The following MYO7A variants were observed in gnomAD, a reference collection of about 807,000 sequenced individuals.
MYO7A encodes unconventional myosin-VIIa.
MYO7A carries 210 observed loss-of-function variants against 263.8 expected under a neutral mutation model. That is an observed-to-expected ratio of 0.80 (90% CI 0.71 to 0.89). MYO7A has a LOEUF of 0.89. MYO7A is among the 40% of genes least tolerant of loss of function. The pLI, the probability that MYO7A is intolerant of heterozygous loss-of-function variation, is 0.00. For missense variants in MYO7A, 2,820 were observed against 2,968.3 expected, an observed-to-expected ratio of 0.95 and a Z score of 1.16; for synonymous variants, 1,239 against 1,197.3, an observed-to-expected ratio of 1.03 and a Z score of -0.72.
intron 40 of MYO7A, 25 bp from the exon 41 acceptor site, chr11:77,206,072 C>CCTGCTG: frequency 6.4e-7 from 1 of 1,573,280 alleles, no homozygotes; most frequent in Non-Finnish European, 8.7e-7. Flanking sequence ...GCACATGCCC[C>CCTGCTG]CTGCTGCCCC....
chr11:77,214,817 C>G lies in MYO7A; in HGVS notation c.*121C>G. 1 of 784,820 alleles carries G rather than the reference C, an allele frequency of 1.3e-6. No individual in the cohort carries two copies. The highest frequency in any genetic ancestry group is 2.1e-6 in the Non-Finnish European group (1 of 485,620). The allele number at this position is 784,820 out of a possible 1,614,324, so 48.6% of individuals were successfully genotyped here. A position where few individuals can be genotyped will look rare whatever the true frequency, so the allele number is the denominator to read the frequency against. The stretch of plus-strand genomic sequence containing the variant: ...ATCCCGGCAGCGAGGCTGGGCTGGC[C>G]AGCCACCACTGACTATACCAACTGG... On this transcript the variant is annotated 3_prime_UTR_variant, in exon 49 of 49. Coordinates refer to ENST00000409709, the MANE Select transcript of MYO7A (RefSeq NM_000260.4).
intron 10 of MYO7A, 137 bp from the exon 11 acceptor site, chr11:77,160,025 GC>G: frequency 1.5e-6 from 2 of 1,328,160 alleles, no homozygotes; most frequent in Non-Finnish European, 2.0e-6. Flanking sequence ...GGAGGATTTG[GC>G]CGTGGGCCCT....
Position 77,182,104 on chromosome 11 carries a change from C to T in MYO7A, c.3058C>T (p.Arg1020Trp), listed in dbSNP as rs376121363. 2.5e-6 allele frequency: 4 copies of T among 1,613,398 alleles called. No homozygotes were observed. The highest frequency in any genetic ancestry group is 1.3e-5 in the African/African-American group (1 of 75,036). The change falls in exon 24 of 49, where the codon CGG becomes TGG. Residue 1020 changes from arginine (R) to tryptophan (W), a missense_variant. Arg to Trp is a moderately radical substitution (Grantham distance 101, BLOSUM62 -3). Coordinates refer to ENST00000409709, the MANE Select transcript of MYO7A (RefSeq NM_000260.4). ...GACAACCACGCACTCCTACACCCGG[C>T]GGCCACTCAAACAGCCACTGCTCTA... ...QGTTTHSYTR[R>W]PLKQPLLYHD...
Position 77,205,601 on chromosome 11 carries a change from C to T in MYO7A, c.5620C>T (p.Leu1874Phe). The change falls in exon 40 of 49, where the codon CTC (leucine) becomes TTC (phenylalanine). Residue 1874 changes from leucine (L) to phenylalanine (F), a missense_variant. By Grantham distance (22) the Leu-to-Phe change is conservative. Coordinates refer to ENST00000409709, the MANE Select transcript of MYO7A (RefSeq NM_000260.4). ...CPLAIDCLQR[L>F]QKALRNGSRK... ...ACTCGCCATCGACTGCCTGCAACGG[C>T]TCCAGAAAGCCCTGAGGTACAGCGG... The T allele has an allele frequency of 6.2e-7, 1 of 1,613,588 alleles. No individual in the cohort carries two copies. The highest frequency in any genetic ancestry group is 8.5e-7 in the Non-Finnish European group (1 of 1,179,820).
At chr11:77,173,095 C>T (rs1954281007) in intron 16 of MYO7A, among the ~76,000 whole-genome samples, 1 of 152,230 alleles carries the variant, frequency 6.6e-6, no homozygotes, top group Non-Finnish European at 1.5e-5. Context: ...GGGGTTGCAG[C>T]AGGTTCAGAT....
chr11:77,135,892 A>T (rs911782691), intron 2 of MYO7A, among the ~76,000 whole-genome samples: 1 of 151,982 alleles, frequency 6.6e-6, no homozygotes, highest in Non-Finnish European at 1.5e-5. Flanking sequence ...TTTTTGGAGA[A>T]ATGTCTATTT....
chr11:77,182,464 G>C lies in MYO7A; in HGVS notation c.3149G>C (p.Gly1050Ala). Residue 1050 changes from glycine (G) to alanine (A), a missense_variant, in exon 25 of 49, where the codon GGG (glycine) becomes GCG (alanine). Physicochemically the swap from Gly to Ala is moderately conservative, Grantham distance 60. Transcript: ENST00000409709. Reference protein sequence around the residue: ...AVWITILRFMGDLPEPKYHTA... With the variant: ...AVWITILRFMADLPEPKYHTA... The stretch of plus-strand genomic sequence containing the variant: ...TGGATCACCATCCTCCGCTTCATGG[G>C]GGACCTCCCTGAGCCCAAGTACCAC... 1.9e-6 allele frequency: 3 copies of C among 1,609,712 alleles called. No individual in the cohort carries two copies. The highest frequency in any genetic ancestry group is 2.5e-6 in the Non-Finnish European group (3 of 1,179,790).
At chr11:77,207,493 A>G (rs1957530214) in intron 42 of MYO7A, 91 bp downstream of exon 42, 6 of 941,398 alleles carry the variant, frequency 6.4e-6, no homozygotes, top group East Asian at 2.6e-5. Flanking sequence ...GAACTGGGGG[A>G]GAGAGGGGAA....
intron 4 of MYO7A, among the ~76,000 whole-genome samples, chr11:77,150,701 C>T (rs781939586): frequency 1.3e-5 from 2 of 152,156 alleles, no homozygotes; most frequent in Admixed American, 6.5e-5. Flanking sequence ...CGGGAAACCA[C>T]GCTGTGGCAC....
At position 77,138,536 on chromosome 11, in the gene MYO7A, G is replaced by T. The variant is rs1443092401; in HGVS notation, c.19-4173G>T. Among the ~76,000 whole-genome samples, 1 of 152,244 alleles carries T rather than the reference G, an allele frequency of 6.6e-6. No individual in the cohort carries two copies. Among genetic ancestry groups the T allele is most frequent in the Non-Finnish European group, 1.5e-5 (1 of 68,032 alleles). ...ACAGGGTCGCTAGGCTTCAGGGTGT[G>T]CATGGACTGCGGCCCTAGGATGCCA... On this transcript the variant is annotated intron_variant, in intron 2 of 48. Coordinates refer to ENST00000409709, the MANE Select transcript of MYO7A (RefSeq NM_000260.4). This position sits in a 1 kb window ranked among gnomAD's most constrained non-coding sequence, Gnocchi z 4.9.
Position 77,177,591 on chromosome 11 carries a change from A to G in MYO7A, c.2230A>G (p.Ile744Val), listed in dbSNP as rs1183488561. The change falls in exon 19 of 49, where the codon ATC (isoleucine) becomes GTC (valine). Residue 744 changes from isoleucine to valine, a missense_variant. Ile to Val is a conservative substitution (Grantham distance 29). Transcript: ENST00000409709. ...MLLEVERDKAITDRVILLQKV... is the reference protein window; with the variant it reads ...MLLEVERDKAVTDRVILLQKV... ...GCTGGAAGTGGAGCGGGACAAAGCC[A>G]TCACCGACAGAGTCATCCTCCTTCA... The G allele has an allele frequency of 1.2e-6, 2 of 1,612,368 alleles. No homozygotes were observed. Among genetic ancestry groups the G allele is most frequent in the Non-Finnish European group, 1.7e-6 (2 of 1,179,472 alleles).
In MYO7A at chr11:77,214,595, C is replaced by T. The variant is rs1334892878; in HGVS notation, c.6559-12C>T. ...ACCGTGTGCTCGCTTATCTTCTCAC[C>T]CCTGCTTCCAGGGCTACAAGATGGA... On this transcript the variant is annotated splice_polypyrimidine_tract_variant and intron_variant, in intron 48 of 48. Coordinates refer to ENST00000409709, the MANE Select transcript of MYO7A (RefSeq NM_000260.4). 1 of 1,553,658 alleles carries T rather than the reference C, an allele frequency of 6.4e-7. No individual in the cohort carries two copies. Among genetic ancestry groups the T allele is most frequent in the East Asian group, 2.4e-5 (1 of 42,116 alleles).
At chr11:77,146,235 C>T (rs560836699) in intron 3 of MYO7A, among the ~76,000 whole-genome samples, 1 of 152,248 alleles carries the variant, frequency 6.6e-6, no homozygotes, top group South Asian at 2.1e-4. Flanking sequence ...TAGGATGTAC[C>T]GGGGGTAGCT....
chr11:77,177,544 C>T lies in MYO7A; in HGVS notation c.2188-5C>T. 6.2e-7 allele frequency: 1 copy of T among 1,607,786 alleles called. No individual in the cohort carries two copies. Among genetic ancestry groups the T allele is most frequent in the South Asian group, 1.1e-5 (1 of 89,582 alleles). ...GGGGCGCTGCTCAGGAGCTCTGCCT[C>T]CTAGGACCACCATGACATGCTGCTG... On this transcript the variant is annotated splice_polypyrimidine_tract_variant and splice_region_variant and intron_variant, in intron 18 of 48. Transcript: ENST00000409709.
At chr11:77,168,148 C>T (rs903115923) in intron 15 of MYO7A, among the ~76,000 whole-genome samples, 1 of 152,196 alleles carries the variant, frequency 6.6e-6, no homozygotes, top group African/African-American at 2.4e-5. Flanking sequence ...CCCATCTTCC[C>T]CTCCTACCCG....
At position 77,180,428 on chromosome 11, in the gene MYO7A, C is replaced by T. The variant is rs781860354; in HGVS notation, c.2641C>T (p.Arg881Trp). The change falls in exon 22 of 49, where the codon CGG becomes TGG. Residue 881 changes from arginine to tryptophan, a missense_variant. Arg to Trp is a moderately radical substitution (Grantham distance 101). Transcript: ENST00000409709. ...KMRLAEEEKL[R>W]KEMSAKKAKE... is the part of the protein sequence containing the mutation. ...GCGGCTGGCGGAGGAAGAGAAGCTT[C>T]GGAAGGAGATGAGCGCCAAGAAGGC... 5.6e-6 allele frequency: 9 copies of T among 1,612,184 alleles called. No individual in the cohort carries two copies. The highest frequency in any genetic ancestry group is 2.2e-5 in the South Asian group (2 of 90,988).
At position 77,147,800 on chromosome 11, in the gene MYO7A, A is replaced by G; in HGVS notation, c.135A>G (p.Glu45=). Residue 45 remains glutamate (E), a splice_region_variant and synonymous_variant, in exon 4 of 49, where the codon GAA becomes GAG. Coordinates refer to ENST00000409709, the MANE Select transcript of MYO7A (RefSeq NM_000260.4). ...GCTGACGTTCTGGCTCCCCGCAGGA[A>G]CACTGGATCTCTCCGCAGAACGCAA... The part of the protein sequence containing the change: ...QVQVVDDEDN[E]HWISPQNATH... 1 of 1,609,998 alleles carries G rather than the reference A, an allele frequency of 6.2e-7. No homozygotes were observed. Among genetic ancestry groups the G allele is most frequent in the Non-Finnish European group, 8.5e-7 (1 of 1,178,814 alleles).
intron 4 of MYO7A, among the ~76,000 whole-genome samples, chr11:77,150,333 G>A (rs56013057): frequency 0.046 from 6,977 of 152,218 alleles, 211 homozygotes; most frequent in Non-Finnish European, 0.066. Flanking sequence ...CTGCATCAAG[G>A]AACAAAGGCA....
At chr11:77,135,295 A>G (rs1555047081) in intron 2 of MYO7A, among the ~76,000 whole-genome samples, 1 of 152,214 alleles carries the variant, frequency 6.6e-6, no homozygotes, top group African/African-American at 2.4e-5. Context: ...TAGGTGCCTC[A>G]CATAAGTGGA....
Sources: allele counts gnomAD v4.1 joint callset (sites outside exome capture counted in the v4.1 genomes callset), GRCh38; gene constraint gnomAD v4.1.1; non-coding constraint Gnocchi (gnomAD v3.1); transcripts MANE v1.5; gene names NCBI Gene and HGNC (gene_info 2026-07-23, HGNC 2026-07-21).